KCNIP4: variants seen among roughly 807,000 people sequenced by gnomAD.
KCNIP4 encodes the protein potassium voltage-gated channel interacting protein 4.
KCNIP4 carries 12 observed loss-of-function variants against 34.0 expected under a neutral mutation model. The observed-to-expected ratio is 0.35, with a 90% CI of 0.23 to 0.57. KCNIP4 has a LOEUF of 0.57. Ranked by LOEUF, KCNIP4 falls within the 20% of genes least tolerant of loss-of-function variation. The probability of loss-of-function intolerance (pLI) is 0.83; values close to 1 mark genes in which losing one functional copy is unlikely to be tolerated. For missense variants in KCNIP4, 238 were observed against 311.7 expected (o/e 0.76, Z 1.78); for synonymous variants, 124 against 102.2 (o/e 1.21, Z -1.29).
intron 1 of KCNIP4, among the ~76,000 whole-genome samples, chr4:21,831,347 G>C (rs1016490661): frequency 6.6e-6 from 1 of 151,614 alleles, no homozygotes; most frequent in Admixed American, 6.6e-5. Context: ...TAATAGAGAA[G>C]ATCAAATAAA....
chr4:21,174,267 G>A (rs1008988765), intron 1 of KCNIP4, among the ~76,000 whole-genome samples: 3 of 152,176 alleles, frequency 2.0e-5, no homozygotes, highest in African/African-American at 7.2e-5. Flanking sequence ...TAGGCTTTAT[G>A]AAACTTCTGA....
chr4:21,592,554 T>C (rs1347582915), intron 1 of KCNIP4, among the ~76,000 whole-genome samples: 1 of 152,162 alleles, frequency 6.6e-6, no homozygotes, highest in Non-Finnish European at 1.5e-5. Context: ...GTACTTTGGC[T>C]TCTTGAGAAT....
At chr4:21,441,183 C>T (rs555873809) in intron 1 of KCNIP4, among the ~76,000 whole-genome samples, 1 of 151,114 alleles carries the variant, frequency 6.6e-6, no homozygotes, top group African/African-American at 2.4e-5. Context: ...GCTCTGTTGC[C>T]CAGGCTGGAG....
At chr4:21,623,970 G>T (rs1279119007) in intron 1 of KCNIP4, among the ~76,000 whole-genome samples, 1 of 151,530 alleles carries the variant, frequency 6.6e-6, no homozygotes, top group Non-Finnish European at 1.5e-5. Context: ...AGCAGGGTGG[G>T]TGATGGTGAT....
At chr4:21,040,518 T>C (rs775784486) in intron 1 of KCNIP4, among the ~76,000 whole-genome samples, 16 of 152,334 alleles carry the variant, frequency 1.1e-4, no homozygotes, top group Middle Eastern at 6.8e-3. Context: ...AGAAGTCAAG[T>C]TTACTATCAA....
chr4:21,313,660 T>C (rs1713425481), intron 1 of KCNIP4, among the ~76,000 whole-genome samples: 1 of 152,212 alleles, frequency 6.6e-6, no homozygotes, highest in African/African-American at 2.4e-5. Context: ...AATGGAAATG[T>C]AACCCATTAA....
chr4:20,739,395 G>T (rs1433668993), intron 5 of KCNIP4, among the ~76,000 whole-genome samples: 1 of 152,098 alleles, frequency 6.6e-6, no homozygotes, highest in Non-Finnish European at 1.5e-5. Context: ...CCAGAGGAAG[G>T]ATCAGGCAGC....
At chr4:21,414,706 G>T (rs1724795988) in intron 1 of KCNIP4, among the ~76,000 whole-genome samples, 1 of 152,110 alleles carries the variant, frequency 6.6e-6, no homozygotes, top group Non-Finnish European at 1.5e-5. Flanking sequence ...AGATGAATAG[G>T]TAAAGAAAAT....
In KCNIP4 at chr4:21,001,178, A is replaced by G. The variant is rs116693757; in HGVS notation, c.62-118469T>C. Reference sequence around the variant, plus strand: ...GCAACAAACATTTACCTTCATGAATACACATGGTTTCCCCTTAATTAACAT... The same window carrying G: ...GCAACAAACATTTACCTTCATGAATGCACATGGTTTCCCCTTAATTAACAT... On this transcript the variant is annotated intron_variant, in intron 1 of 8. Coordinates refer to ENST00000382152, the MANE Select transcript of KCNIP4 (RefSeq NM_025221.6). 5.9e-3 allele frequency among the ~76,000 whole-genome samples: 892 copies of G among 152,324 alleles called. 2 individuals carry two copies. Among genetic ancestry groups the G allele is most frequent in the Middle Eastern group, 0.014 (4 of 294 alleles).
At chr4:20,822,538 A>G (rs1717234573) in intron 3 of KCNIP4, among the ~76,000 whole-genome samples, 1 of 152,210 alleles carries the variant, frequency 6.6e-6, no homozygotes, top group South Asian at 2.1e-4. Context: ...AACTTAAGGT[A>G]GAACTACCAT....
chr4:20,817,979 G>C (rs6826491), intron 3 of KCNIP4, among the ~76,000 whole-genome samples: 7,421 of 152,170 alleles, frequency 0.049, 305 homozygotes, highest in East Asian at 0.22. Flanking sequence ...TTATTCTTTA[G>C]AGCTATGCTT....
At chr4:21,308,246 G>T (rs991793353) in intron 1 of KCNIP4, among the ~76,000 whole-genome samples, 2 of 152,134 alleles carry the variant, frequency 1.3e-5, no homozygotes, top group African/African-American at 4.8e-5. Context: ...GCTAAGCTTT[G>T]GTTTGCTGGT....
In KCNIP4 at chr4:20,943,784, G is replaced by A. The variant is rs116543811; in HGVS notation, c.62-61075C>T. Among the ~76,000 whole-genome samples, 925 of 152,226 alleles carry A rather than the reference G, an allele frequency of 6.1e-3. 11 individuals are homozygous for A. Among genetic ancestry groups the A allele is most frequent in the African/African-American group, 0.021 (874 of 41,548 alleles). On this transcript the variant is annotated intron_variant, in intron 1 of 8. Coordinates refer to ENST00000382152, the MANE Select transcript of KCNIP4 (RefSeq NM_025221.6). ...AAACAGAGTCAGCTTTGTAATCAGG[G>A]CTAAGCATTTAGATCCCATACTAGC...
intron 1 of KCNIP4, among the ~76,000 whole-genome samples, chr4:21,252,002 A>G (rs1301199701): frequency 1.3e-5 from 2 of 152,052 alleles, no homozygotes; most frequent in East Asian, 1.9e-4. Context: ...CCTAAAACTT[A>G]AAGTATAATA....
intron 1 of KCNIP4, among the ~76,000 whole-genome samples, chr4:21,669,135 C>CCCTT (rs983375794): frequency 4.8e-5 from 7 of 146,736 alleles, no homozygotes; most frequent in South Asian, 2.3e-4. Context: ...CTCCCTCCCT[C>CCCTT]CCTTCCTTCC....
chr4:21,889,725 G>C (rs1726982281), intron 1 of KCNIP4, among the ~76,000 whole-genome samples: 1 of 152,118 alleles, frequency 6.6e-6, no homozygotes, highest in African/African-American at 2.4e-5. Context: ...AGCTAATGTG[G>C]CTAGAGAAAA....
rs541664407 is a variant in KCNIP4 at position 21,698,066 on chromosome 4, G to A, written c.61+250505C>T. Among the ~76,000 whole-genome samples the A allele has an allele frequency of 1.3e-4, 20 of 152,220 alleles. No individual in the cohort carries two copies. In the South Asian group the frequency reaches 4.1e-3, roughly 32 times the overall value. On this transcript the variant is annotated intron_variant, in intron 1 of 8. Coordinates refer to ENST00000382152, the MANE Select transcript of KCNIP4 (RefSeq NM_025221.6). ...CACAGTGTTAATCAGATTCAGGAAG[G>A]CTACATGGGGGAAAGGCTCATTTGA...
intron 1 of KCNIP4, among the ~76,000 whole-genome samples, chr4:21,482,672 G>A (rs1731538689): frequency 6.6e-6 from 1 of 152,272 alleles, no homozygotes; most frequent in South Asian, 2.1e-4. Flanking sequence ...AGTTTCTGCT[G>A]AGAGATCAGC....
chr4:21,784,010 G>A (rs910660476), intron 1 of KCNIP4, among the ~76,000 whole-genome samples: 1 of 152,048 alleles, frequency 6.6e-6, no homozygotes, highest in South Asian at 2.1e-4. Context: ...TACTACCTGA[G>A]GCTGGGTAAT....
Sources: allele counts gnomAD v4.1 joint callset (sites outside exome capture counted in the v4.1 genomes callset), GRCh38; gene constraint gnomAD v4.1.1; transcripts MANE v1.5; gene names NCBI Gene and HGNC (gene_info 2026-07-23, HGNC 2026-07-21).